The following GTF2IRD1 variants were observed in gnomAD, a reference collection of about 807,000 sequenced individuals.
GTF2IRD1 encodes the protein GTF2I repeat domain containing 1.
In GTF2IRD1, 26 loss-of-function variants were observed where a neutral mutation model predicts 113.2. The ratio of observed to expected loss-of-function variants is 0.23; its 90% CI spans 0.17 to 0.32. GTF2IRD1 has a LOEUF of 0.32. GTF2IRD1 is among the 10% of genes least tolerant of loss of function. The pLI is 1.00. For missense variants in GTF2IRD1, 864 were observed against 1,280.8 expected, an observed-to-expected ratio of 0.67 and a Z score of 4.97; for synonymous variants, 484 against 529.1, an observed-to-expected ratio of 0.91 and a Z score of 1.17.
intron 22 of GTF2IRD1, among the ~76,000 whole-genome samples, chr7:74,574,150 A>ATTTTTTTTTTTTT (rs71094796): frequency 2.8e-3 from 290 of 104,762 alleles, no homozygotes; most frequent in Non-Finnish European, 3.9e-3. Context: ...CACCAAGCTA[A>ATTTTTTTTTTTTT]TTTTTTTTTT....
intron 24 of GTF2IRD1, among the ~76,000 whole-genome samples, chr7:74,591,698 C>T (rs1250118599): frequency 6.6e-6 from 1 of 151,578 alleles, no homozygotes; most frequent in Non-Finnish European, 1.5e-5. Context: ...TACTATTATA[C>T]CGTATATCCT....
chr7:74,543,670 T>G (rs1798752620), intron 14 of GTF2IRD1, among the ~76,000 whole-genome samples: 1 of 151,524 alleles, frequency 6.6e-6, no homozygotes, highest in Admixed American at 6.6e-5. Flanking sequence ...GAGGCCAAGG[T>G]GGGAGGATCG....
intron 22 of GTF2IRD1, among the ~76,000 whole-genome samples, chr7:74,575,785 T>C (rs2130902497): frequency 6.6e-6 from 1 of 152,090 alleles, no homozygotes; most frequent in East Asian, 1.9e-4. Context: ...CAATCTGGGG[T>C]CTCATCCAGT....
intron 1 of GTF2IRD1, among the ~76,000 whole-genome samples, chr7:74,492,210 G>A (rs868952840): frequency 1.7e-4 from 24 of 143,528 alleles, no homozygotes; most frequent in Admixed American, 5.1e-4. Flanking sequence ...TCACTCTGTC[G>A]CCCAGGCTGG....
intron 1 of GTF2IRD1, among the ~76,000 whole-genome samples, chr7:74,471,550 C>T (rs1794086295): frequency 6.6e-6 from 1 of 151,812 alleles, no homozygotes; most frequent in African/African-American, 2.4e-5. Context: ...GTGGCTTGCA[C>T]TTGTATTCCC....
Position 74,508,092 on chromosome 7 carries a change from G to T in GTF2IRD1, c.12G>T (p.Leu4=). 1 of 1,608,186 alleles carries T rather than the reference G, an allele frequency of 6.2e-7. No individual in the cohort carries two copies. The highest frequency in any genetic ancestry group is 1.1e-5 in the South Asian group (1 of 91,018). Reference sequence around the variant, plus strand: ...CCCCACAGGCGACCATGGCCTTGCTGGGTAAGCGCTGTGACGTCCCCACCA... The same window carrying T: ...CCCCACAGGCGACCATGGCCTTGCTTGGTAAGCGCTGTGACGTCCCCACCA... MAL[L]GKRCDVPTNG... is the part of the protein sequence containing the mutation. The change falls in exon 2 of 27, where the codon CTG becomes CTT. Residue 4 remains leucine (L), a synonymous_variant. Coordinates refer to ENST00000424337, the MANE Select transcript of GTF2IRD1 (RefSeq NM_005685.4).
chr7:74,546,557 G>A (rs779950235), intron 16 of GTF2IRD1, among the ~76,000 whole-genome samples: 2 of 152,004 alleles, frequency 1.3e-5, no homozygotes, highest in Admixed American at 6.6e-5. Flanking sequence ...CAAAATCCCC[G>A]TGTCCTAAGA....
chr7:74,544,297 T>C (rs1247035845), intron 14 of GTF2IRD1, among the ~76,000 whole-genome samples: 2 of 152,302 alleles, frequency 1.3e-5, no homozygotes, highest in Admixed American at 1.3e-4. Context: ...GCGATTCTCC[T>C]GCCTCAGCCT....
rs782483943 is a variant in GTF2IRD1, at chr7:74,591,374, CTTTTTTTTTT to C, written c.2591+370_2591+379del. Among the ~76,000 whole-genome samples, 42 of 118,058 alleles carry C rather than the reference CTTTTTTTTTT, an allele frequency of 3.6e-4. 1 individual carries two copies. In the East Asian group the frequency reaches 8.6e-3, roughly 24 times the overall value. The allele number at this position is 118,058 out of a possible 152,430, so 77.5% of individuals were successfully genotyped here. A position where few individuals can be genotyped will look rare whatever the true frequency, so the allele number is the denominator to read the frequency against. On this transcript the variant is annotated intron_variant, in intron 24 of 26. Transcript: ENST00000424337. ...ATAATTCCATAGTCTCAGTGATTCT[CTTTTTTTTTT>C]TTTTTTTTTTTTGAGACAGAGTCTT...
At position 74,574,854 on chromosome 7, in the gene GTF2IRD1, T is replaced by G. The variant is rs888243317; in HGVS notation, c.2321-14997T>G. Among the ~76,000 whole-genome samples, 3 of 151,224 alleles carry G rather than the reference T, an allele frequency of 2.0e-5. No homozygotes were observed. The South Asian group carries it at 6.3e-4, about 32-fold the overall frequency. On this transcript the variant is annotated intron_variant, in intron 22 of 26. Transcript: ENST00000424337. ...CTGTAATCCCAGCACTTCGGGAGGC[T>G]GAGGTGGGCGGATCACCTAAGGTCA...
Position 74,518,215 on chromosome 7 carries a change from G to A in GTF2IRD1, c.498G>A (p.Val166=). Residue 166 remains valine, a synonymous_variant, in exon 5 of 27, where the codon GTG becomes GTA. Transcript: ENST00000424337. The part of the protein sequence containing the change: ...RLLREPGLLA[V]QGLPEGLAFR... ...TCAGGGAGCCAGGGCTGCTGGCCGTGCAGGGGCTGCCCGAAGGCCTGGCCT... is the reference window on the plus strand; with the variant it reads ...TCAGGGAGCCAGGGCTGCTGGCCGTACAGGGGCTGCCCGAAGGCCTGGCCT... The A allele has an allele frequency of 6.2e-7, 1 of 1,611,478 alleles. No individual in the cohort carries two copies.
intron 22 of GTF2IRD1, among the ~76,000 whole-genome samples, chr7:74,568,953 G>T (rs1800515878): frequency 6.6e-6 from 1 of 152,194 alleles, no homozygotes; most frequent in African/African-American, 2.4e-5. Flanking sequence ...TACGTGTGGG[G>T]CACTTGGATG....
At chr7:74,561,077 G>A (rs587654477) in intron 22 of GTF2IRD1, among the ~76,000 whole-genome samples, 3 of 152,130 alleles carry the variant, frequency 2.0e-5, no homozygotes, top group African/African-American at 4.8e-5. Context: ...GGCCAGGCAC[G>A]GTGGCTCACA....
intron 7 of GTF2IRD1, among the ~76,000 whole-genome samples, chr7:74,523,222 A>T (rs1324624964): frequency 1.4e-5 from 2 of 145,270 alleles, no homozygotes; most frequent in Non-Finnish European, 3.1e-5. Flanking sequence ...CTGTCTGTAA[A>T]AAAGAAAAAA....
chr7:74,478,857 C>T (rs564506238), intron 1 of GTF2IRD1, among the ~76,000 whole-genome samples: 22 of 152,070 alleles, frequency 1.4e-4, no homozygotes, highest in African/African-American at 4.8e-4. Context: ...GCAACCCTCC[C>T]ACCCCAGCCT....
chr7:74,580,046 CCT>C (rs1375663793), intron 22 of GTF2IRD1, among the ~76,000 whole-genome samples: 1 of 152,176 alleles, frequency 6.6e-6, no homozygotes, highest in African/African-American at 2.4e-5. Flanking sequence ...GCTTGGCCCT[CCT>C]CTCTCCAGGC....
chr7:74,496,210 G>A (rs1187336799), intron 1 of GTF2IRD1, among the ~76,000 whole-genome samples: 2 of 151,580 alleles, frequency 1.3e-5, no homozygotes, highest in South Asian at 2.1e-4. Context: ...TATGTGTATG[G>A]GGTGTCTGCA....
intron 1 of GTF2IRD1, among the ~76,000 whole-genome samples, chr7:74,480,433 G>C (rs1298418157): frequency 6.6e-6 from 1 of 152,226 alleles, no homozygotes; most frequent in Non-Finnish European, 1.5e-5. Flanking sequence ...AGCCTTGTCC[G>C]ATCCCCCAGC....
intron 1 of GTF2IRD1, among the ~76,000 whole-genome samples, chr7:74,489,920 G>A (rs1795237817): frequency 6.6e-6 from 1 of 152,140 alleles, no homozygotes; most frequent in African/African-American, 2.4e-5. Context: ...GTGGGGCAGA[G>A]GACTTGGAGG....
Sources: gnomAD v4.1 joint callset for allele counts (sites outside exome capture counted in the v4.1 genomes callset) on GRCh38, gnomAD v4.1.1 for gene constraint, MANE v1.5 for transcripts, NCBI Gene and HGNC (gene_info 2026-07-23, HGNC 2026-07-21) for gene names.